The following MOCS1 variants were observed in gnomAD, a reference collection of about 807,000 sequenced individuals.
MOCS1 encodes molybdenum cofactor biosynthesis protein 1.
Under a neutral mutation model 57.6 loss-of-function variants are expected in MOCS1, and 39 were observed. The ratio of observed to expected loss-of-function variants is 0.68; its 90% confidence interval spans 0.52 to 0.88. The LOEUF (loss-of-function observed/expected upper bound fraction) is 0.88. MOCS1 is among the 40% of genes least tolerant of loss of function. The pLI, the probability that MOCS1 is intolerant of heterozygous loss-of-function variation, is 0.00. For synonymous variants in MOCS1, 334 were observed against 335.7 expected (o/e 1.00, Z 0.05); for missense variants, 795 against 831.1 (o/e 0.96, Z 0.53).
intron 1 of MOCS1, among the ~76,000 whole-genome samples, chr6:39,931,605 G>A (rs1358065005): frequency 2.0e-5 from 3 of 151,874 alleles, no homozygotes; most frequent in African/African-American, 7.3e-5. Context: ...ATTTTGAGGA[G>A]CTGGGCAGAT....
Position 39,916,028 on chromosome 6 carries a change from G to A in MOCS1, c.583+40C>T, listed in dbSNP as rs554089710. 11 of 1,567,386 alleles carry A rather than the reference G, an allele frequency of 7.0e-6. No individual in the cohort carries two copies. The Admixed American group carries it at 1.7e-4, about 24-fold the overall frequency. On this transcript the variant is annotated intron_variant, in intron 4 of 10. Transcript: ENST00000340692. ...GCCATGCCCTCCCCAGCTATGTGCA[G>A]GCCCTGGGAGGGACACCCACCCCAT... is the stretch of plus-strand genomic sequence containing the variant.
At chr6:39,915,524 G>A (rs1219154259) in intron 4 of MOCS1, among the ~76,000 whole-genome samples, 1 of 152,192 alleles carries the variant, frequency 6.6e-6, no homozygotes, top group Admixed American at 6.5e-5. Flanking sequence ...GCTCGAGGCT[G>A]GCTCCACCTG....
chr6:39,910,255 C>A (rs184234124), intron 8 of MOCS1, among the ~76,000 whole-genome samples: 3 of 152,338 alleles, frequency 2.0e-5, no homozygotes, highest in Admixed American at 2.0e-4. Flanking sequence ...AAATCCAGAT[C>A]TCTACCTTCT....
Position 39,913,008 on chromosome 6 carries a change from T to C in MOCS1, c.758-4A>G. 6.2e-7 allele frequency: 1 copy of C among 1,613,278 alleles called. No individual in the cohort carries two copies. The highest frequency in any genetic ancestry group is 8.5e-7 in the Non-Finnish European group (1 of 1,179,276). On this transcript the variant is annotated splice_region_variant and splice_polypyrimidine_tract_variant and intron_variant, in intron 6 of 10. Transcript: ENST00000340692. The stretch of plus-strand genomic sequence containing the variant: ...TTCTTGAAGTTCCACTTGTTGCCTG[T>C]ATTCGGGATGGGGGAAGGCAAGGGG...
At chr6:39,928,690 C>T (rs796619467) in intron 1 of MOCS1, among the ~76,000 whole-genome samples, 12 of 152,318 alleles carry the variant, frequency 7.9e-5, no homozygotes, top group African/African-American at 2.4e-4. Flanking sequence ...AGTCCCTTAA[C>T]TTCTCCAGGC....
At chr6:39,913,262 C>A in intron 6 of MOCS1, 55 bp downstream of exon 6, 3 of 1,481,740 alleles carry the variant, frequency 2.0e-6, no homozygotes, top group Non-Finnish European at 2.8e-6. Flanking sequence ...CCACACTATG[C>A]GACCTGCAGG....
rs751660956 is a variant in MOCS1 at position 39,905,720 on chromosome 6, G to T, written c.*637C>A. On this transcript the variant is annotated 3_prime_UTR_variant, in exon 11 of 11. Transcript: ENST00000340692. ...GTGTGCACATCCTGTTTCAGAAGAG[G>T]GGGGCCAGAGGAAAAGGGGCCAGCA... is the stretch of plus-strand genomic sequence containing the variant. The T allele has an allele frequency of 2.1e-6, 1 of 471,174 alleles. No homozygotes were observed. The highest frequency in any genetic ancestry group is 4.4e-6 in the Non-Finnish European group (1 of 227,066). 29.2% of individuals were successfully genotyped at this position (471,174 alleles called of 1,614,324 possible).
At position 39,906,570 on chromosome 6, in the gene MOCS1, C is replaced by T. The variant is rs1256565868; in HGVS notation, c.1698G>A (p.Leu566=). ...HVALSHIQVQ[L]ELDSTRHAVK... Reference sequence around the variant, plus strand: ...CGGCATGGCGTGTGCTGTCCAGCTCCAGCTGCACCTGGATGTGGCTCAGGG... The same window carrying T: ...CGGCATGGCGTGTGCTGTCCAGCTCTAGCTGCACCTGGATGTGGCTCAGGG... Residue 566 remains leucine, a synonymous_variant, in exon 11 of 11, where the codon CTG becomes CTA. Transcript: ENST00000340692. 3.1e-6 allele frequency: 5 copies of T among 1,613,700 alleles called. No homozygotes were observed. In the East Asian group the frequency reaches 8.9e-5, roughly 29 times the overall value.
intron 1 of MOCS1, among the ~76,000 whole-genome samples, chr6:39,929,147 A>C (rs2149424025): frequency 6.6e-6 from 1 of 152,092 alleles, no homozygotes; most frequent in African/African-American, 2.4e-5. Flanking sequence ...CACTCTACCC[A>C]CCGCGGGAGA....
intron 1 of MOCS1, 31 bp downstream of exon 1, chr6:39,934,264 G>T: frequency 6.6e-7 from 1 of 1,521,210 alleles, no homozygotes; most frequent in Non-Finnish European, 8.8e-7. Context: ...CCTGCCCCGG[G>T]AAGCTGTGGA....
In MOCS1 at chr6:39,905,113, G is replaced by GAGGC. The variant is rs1158722147; in HGVS notation, c.*1240_*1243dup. ...GCACACCTTGGCATAGGGCAGAGGG[G>GAGGC]AGGCAGGCAGGGGGCACCACTGAGG... On this transcript the variant is annotated 3_prime_UTR_variant, in exon 11 of 11. Transcript: ENST00000340692. 2.2e-6 allele frequency: 1 copy of GAGGC among 454,472 alleles called. No homozygotes were observed. The highest frequency in any genetic ancestry group is 2.0e-5 in the African/African-American group (1 of 50,016). The allele number at this position is 454,472 out of a possible 1,614,324, so 28.2% of individuals were successfully genotyped here. A position where few individuals can be genotyped will look rare whatever the true frequency, so the allele number is the denominator to read the frequency against.
In MOCS1 at chr6:39,907,040, G is replaced by C; in HGVS notation, c.1228C>G (p.Leu410Val). 1 of 1,613,770 alleles carries C rather than the reference G, an allele frequency of 6.2e-7. No homozygotes were observed. The change falls in exon 11 of 11, where the codon CTA becomes GTA. Residue 410 changes from leucine to valine, a missense_variant. Leu to Val is a conservative substitution (Grantham distance 32). Around this residue, in one of 3 missense-constraint regions of MOCS1, gnomAD observed 374 missense variants for 422.6 expected, o/e 0.89. Transcript: ENST00000340692. ...FSWDPLHVQGLRPRMSFSSQV... is the reference protein window; with the variant it reads ...FSWDPLHVQGVRPRMSFSSQV... ...CTGGAGAAACTCATTCTGGGTCTTA[G>C]ACCCTGAACATGGAGCGGGTCCCAG...
chr6:39,913,801 G>A lies in MOCS1; in HGVS notation c.618C>T (p.Ala206=). 6.2e-7 allele frequency: 1 copy of A among 1,614,228 alleles called. No homozygotes were observed. The highest frequency in any genetic ancestry group is 8.5e-7 in the Non-Finnish European group (1 of 1,180,044). ...FHKVMEGIHK[A]IELGYNPVKV... ...TCACAGGGTTGTAGCCCAGCTCGAT[G>A]GCCTTGTGGATGCCCTCCATGACCT... The change falls in exon 5 of 11, where the codon GCC becomes GCT. Residue 206 remains alanine, a synonymous_variant. Transcript: ENST00000340692.
At chr6:39,914,107 C>T (rs934888900) in intron 4 of MOCS1, among the ~76,000 whole-genome samples, 10 of 152,170 alleles carry the variant, frequency 6.6e-5, no homozygotes, top group Admixed American at 2.6e-4. Context: ...TACAATAATG[C>T]GATTCTTTTT....
rs1188343837 is a variant in MOCS1 at position 39,925,836 on chromosome 6, C to G, written c.260G>C (p.Cys87Ser). The change falls in exon 3 of 11, where the codon TGC (cysteine) becomes TCC (serine). Residue 87 changes from cysteine to serine, a missense_variant. Physicochemically the swap from Cys to Ser is moderately radical, Grantham distance 112. Transcript: ENST00000340692. ...CAGCGGGACCCCCTCCTCGGGCATG[C>G]AGTACTGACCTGAGGGAAGGATGAA... ...TEKCNLRCQY[C>S]MPEEGVPLTP... 6.2e-7 allele frequency: 1 copy of G among 1,609,912 alleles called. No homozygotes were observed. Among genetic ancestry groups the G allele is most frequent in the African/African-American group, 1.3e-5 (1 of 74,832 alleles).
At chr6:39,924,529 A>G (rs1768161778) in intron 3 of MOCS1, among the ~76,000 whole-genome samples, 1 of 152,226 alleles carries the variant, frequency 6.6e-6, no homozygotes, top group African/African-American at 2.4e-5. Context: ...AGGGTAAGTG[A>G]GTAGGGCAGG....
At chr6:39,913,120 A>G in intron 6 of MOCS1, 116 bp from the exon 7 acceptor site, 1 of 979,424 alleles carries the variant, frequency 1.0e-6, no homozygotes, top group South Asian at 1.3e-5. Context: ...AGCCTCTTGG[A>G]AGGGAGGGAC....
At chr6:39,910,805 T>C (rs1041550940) in intron 8 of MOCS1, among the ~76,000 whole-genome samples, 2 of 152,160 alleles carry the variant, frequency 1.3e-5, no homozygotes, top group Non-Finnish European at 2.9e-5. Flanking sequence ...TCCTGTGGAC[T>C]TCACCTGGTA....
chr6:39,909,580 G>A (rs992559025), intron 9 of MOCS1, among the ~76,000 whole-genome samples: 3 of 152,208 alleles, frequency 2.0e-5, no homozygotes, highest in Non-Finnish European at 4.4e-5. Flanking sequence ...TCCCCACCTA[G>A]TAAAACAGCC....
Sources: allele counts gnomAD v4.1 joint callset (sites outside exome capture counted in the v4.1 genomes callset), GRCh38; gene constraint gnomAD v4.1.1; regional missense constraint gnomAD v4.1.1; transcripts MANE v1.5; gene names NCBI Gene and HGNC (gene_info 2026-07-23, HGNC 2026-07-21).